The following HMBOX1 variants were observed in gnomAD, a reference collection of about 807,000 sequenced individuals.
HMBOX1 encodes homeobox containing 1.
Under a neutral mutation model 54.5 loss-of-function variants are expected in HMBOX1, and 14 were observed. The ratio of observed to expected loss-of-function variants is 0.26; its 90% CI spans 0.17 to 0.40. The LOEUF (loss-of-function observed/expected upper bound fraction) is 0.40. Ranked by LOEUF, HMBOX1 falls within the 10% of genes least tolerant of loss-of-function variation. HMBOX1 has a pLI of 1.00. For missense variants in HMBOX1, 332 were observed against 514.4 expected, an observed-to-expected ratio of 0.65 and a Z score of 3.43; for synonymous variants, 160 against 181.0, an observed-to-expected ratio of 0.88 and a Z score of 0.93.
chr8:29,045,256 C>G (rs989461863), intron 6 of HMBOX1, 105 bp from the exon 7 acceptor site: 3 of 863,512 alleles, frequency 3.5e-6, no homozygotes, highest in Non-Finnish European at 5.8e-6. Flanking sequence ...GACCTAGACA[C>G]TTGAGTGTGG....
intron 1 of HMBOX1, among the ~76,000 whole-genome samples, chr8:28,921,371 T>C (rs538683477): frequency 3.3e-5 from 5 of 152,280 alleles, no homozygotes; most frequent in African/African-American, 9.6e-5. Flanking sequence ...CCATAGACGT[T>C]TGACCATCAC....
chr8:28,973,387 A>G (rs1355575970), intron 3 of HMBOX1, among the ~76,000 whole-genome samples: 1 of 152,150 alleles, frequency 6.6e-6, no homozygotes, highest in Admixed American at 6.5e-5. Context: ...AGATTTTAGG[A>G]AAGGTGGTTA....
chr8:28,982,689 G>A (rs1018060427), intron 4 of HMBOX1, among the ~76,000 whole-genome samples: 7 of 151,330 alleles, frequency 4.6e-5, no homozygotes, highest in Non-Finnish European at 7.4e-5. Context: ...GCAATGGTGC[G>A]ATCTCAGCTC....
chr8:29,010,882 A>C (rs1440852503), intron 5 of HMBOX1, among the ~76,000 whole-genome samples: 1 of 152,166 alleles, frequency 6.6e-6, no homozygotes, highest in Non-Finnish European at 1.5e-5. Flanking sequence ...TGAACTTCTT[A>C]AGCCATGTAA....
chr8:29,047,278 T>G, intron 7 of HMBOX1, 80 bp from the exon 8 acceptor site: 1 of 834,538 alleles, frequency 1.2e-6, no homozygotes, highest in Non-Finnish European at 2.0e-6. Flanking sequence ...AGCAACAAAA[T>G]AAAAATATTA....
At chr8:28,991,116 T>A (rs1049203329) in intron 4 of HMBOX1, among the ~76,000 whole-genome samples, 6 of 152,356 alleles carry the variant, frequency 3.9e-5, no homozygotes, top group East Asian at 3.8e-4. Flanking sequence ...GCCTTTTTTT[T>A]ATTATAGTGA....
In HMBOX1 at chr8:28,952,394, C is replaced by T. The variant is rs183149682; in HGVS notation, c.-57-11417C>T. On this transcript the variant is annotated intron_variant, in intron 1 of 9. Coordinates refer to ENST00000287701, the MANE Select transcript of HMBOX1 (RefSeq NM_001135726.3). ...GATTACAGGCCCCCACCACCGCTTCCGGCTAATTTTTGTATTTTTGTTAAA... is the reference window on the plus strand; with the variant it reads ...GATTACAGGCCCCCACCACCGCTTCTGGCTAATTTTTGTATTTTTGTTAAA... Among the ~76,000 whole-genome samples the T allele has an allele frequency of 3.7e-3, 566 of 152,028 alleles. 4 individuals are homozygous for T. The highest frequency in any genetic ancestry group is 0.012 in the African/African-American group (503 of 41,474).
At chr8:29,042,541 C>T in intron 6 of HMBOX1, 1 of 428,948 alleles carries the variant, frequency 2.3e-6, no homozygotes, top group Non-Finnish European at 4.7e-6. Context: ...TTAGAAAAGA[C>T]CAATAGAATT....
intron 6 of HMBOX1, among the ~76,000 whole-genome samples, chr8:29,029,170 G>A (rs1171268250): frequency 2.0e-5 from 3 of 151,908 alleles, no homozygotes; most frequent in African/African-American, 7.3e-5. Context: ...TTCTTCCTTA[G>A]CAGTATCCTC....
chr8:28,910,197 T>G (rs541264752), intron 1 of HMBOX1, among the ~76,000 whole-genome samples: 4 of 152,366 alleles, frequency 2.6e-5, no homozygotes, highest in South Asian at 4.1e-4. Flanking sequence ...TCTGGTCTCT[T>G]TGACTAAGTG....
At chr8:29,009,276 T>C in intron 5 of HMBOX1, 94 bp downstream of exon 5, 1 of 1,156,986 alleles carries the variant, frequency 8.6e-7, no homozygotes. Context: ...TTCAGTAAGA[T>C]GGTTTCATAC....
At chr8:29,001,060 C>A (rs61481667) in intron 4 of HMBOX1, among the ~76,000 whole-genome samples, 21,595 of 152,068 alleles carry the variant, frequency 0.14, 1,866 homozygotes, top group East Asian at 0.46. Flanking sequence ...CTTCACTATT[C>A]TCACTGATGT....
At chr8:29,000,080 T>G (rs1832414766) in intron 4 of HMBOX1, among the ~76,000 whole-genome samples, 2 of 152,230 alleles carry the variant, frequency 1.3e-5, no homozygotes, top group South Asian at 4.1e-4. Flanking sequence ...TTTCCTGATT[T>G]AACATTATAA....
chr8:29,014,831 C>T (rs1834758555), intron 5 of HMBOX1, among the ~76,000 whole-genome samples: 1 of 152,112 alleles, frequency 6.6e-6, no homozygotes, highest in African/African-American at 2.4e-5. Context: ...AGGCGTGTGC[C>T]ACCACACCCA....
intron 4 of HMBOX1, among the ~76,000 whole-genome samples, chr8:28,990,213 C>T (rs770624189): frequency 6.6e-6 from 1 of 152,070 alleles, no homozygotes; most frequent in Non-Finnish European, 1.5e-5. Flanking sequence ...ACTAACAGTT[C>T]AATCTTGAAT....
At chr8:29,020,905 G>A (rs764417230) in intron 6 of HMBOX1, among the ~76,000 whole-genome samples, 5 of 152,152 alleles carry the variant, frequency 3.3e-5, no homozygotes, top group Non-Finnish European at 7.4e-5. Flanking sequence ...GGCTGGACAT[G>A]GTGGTTCACA....
intron 3 of HMBOX1, among the ~76,000 whole-genome samples, chr8:28,978,786 C>CAAAAA (rs36075812): frequency 5.2e-5 from 5 of 95,784 alleles, no homozygotes; most frequent in African/African-American, 1.8e-4. Flanking sequence ...GACTCCGTCT[C>CAAAAA]AAAAAAAAAA....
At chr8:28,930,465 C>A (rs1440278141) in intron 1 of HMBOX1, among the ~76,000 whole-genome samples, 3 of 151,840 alleles carry the variant, frequency 2.0e-5, no homozygotes, top group Non-Finnish European at 4.4e-5. Context: ...ATATTTATAA[C>A]CTGGTATTCA....
intron 5 of HMBOX1, among the ~76,000 whole-genome samples, chr8:29,012,876 T>C (rs1190243581): frequency 2.0e-5 from 3 of 152,208 alleles, no homozygotes; most frequent in Admixed American, 1.3e-4. Context: ...TTGTCAGTGA[T>C]TTTTATCAAG....
Sources: gnomAD v4.1 joint callset for allele counts (sites outside exome capture counted in the v4.1 genomes callset) on GRCh38, gnomAD v4.1.1 for gene constraint, MANE v1.5 for transcripts, NCBI Gene and HGNC (gene_info 2026-07-23, HGNC 2026-07-21) for gene names.